The following MICAL3 variants were observed in gnomAD, a reference collection of about 807,000 sequenced individuals.
MICAL3 encodes the protein [F-actin]-monooxygenase MICAL3.
MICAL3 carries 62 observed loss-of-function variants against 207.4 expected under a neutral mutation model. The ratio of observed to expected loss-of-function variants is 0.30; its 90% CI spans 0.24 to 0.37. The LOEUF is 0.37. Ranked by LOEUF, MICAL3 falls within the 10% of genes least tolerant of loss-of-function variation. The pLI, the probability that MICAL3 is intolerant of heterozygous loss-of-function variation, is 1.00. For missense variants in MICAL3, 2,368 were observed against 2,635.6 expected, an observed-to-expected ratio of 0.90 and a Z score of 2.22; for synonymous variants, 1,077 against 1,069.3, an observed-to-expected ratio of 1.01 and a Z score of -0.14.
intron 7 of MICAL3, among the ~76,000 whole-genome samples, chr22:17,898,757 C>T (rs541192531): frequency 1.3e-5 from 2 of 152,272 alleles, no homozygotes; most frequent in East Asian, 3.9e-4. Context: ...GGTCTTCTGA[C>T]TTCATATTTC....
chr22:17,967,947 G>A (rs1444630898), intron 1 of MICAL3, among the ~76,000 whole-genome samples: 3 of 152,064 alleles, frequency 2.0e-5, no homozygotes, highest in African/African-American at 7.3e-5. Flanking sequence ...GAAGCCTGAG[G>A]CAGGAGAATC....
intron 1 of MICAL3, among the ~76,000 whole-genome samples, chr22:17,946,244 C>T (rs1230358571): frequency 1.3e-5 from 2 of 152,076 alleles, no homozygotes; most frequent in Non-Finnish European, 1.5e-5. Context: ...TCCCTGGCTT[C>T]GGGGGTGGGC....
At chr22:17,835,617 G>A (rs1267441540) in intron 20 of MICAL3, among the ~76,000 whole-genome samples, 2 of 152,232 alleles carry the variant, frequency 1.3e-5, no homozygotes, top group Non-Finnish European at 2.9e-5. Context: ...TAAGCACAGA[G>A]GATCACTATA....
At chr22:17,840,658 A>C (rs1226618713) in intron 20 of MICAL3, 1 of 152,204 alleles carries the variant, frequency 6.6e-6, no homozygotes, top group Non-Finnish European at 1.5e-5. Context: ...GCTCTGCTCA[A>C]GGGTTTATAA....
chr22:17,979,953 T>C (rs1388041621), intron 1 of MICAL3, among the ~76,000 whole-genome samples: 1 of 152,148 alleles, frequency 6.6e-6, no homozygotes, highest in Non-Finnish European at 1.5e-5. Flanking sequence ...CTCAGCCTCC[T>C]GAGGAGCTGG....
intron 17 of MICAL3, among the ~76,000 whole-genome samples, 177 bp from the exon 18 acceptor site, chr22:17,866,189 T>C (rs1927087487): frequency 6.6e-6 from 1 of 152,168 alleles, no homozygotes; most frequent in African/African-American, 2.4e-5. Flanking sequence ...CGGGTAAACT[T>C]TGATTCTAGC....
chr22:17,934,003 T>C (rs545367268), intron 1 of MICAL3, among the ~76,000 whole-genome samples: 1 of 152,214 alleles, frequency 6.6e-6, no homozygotes, highest in South Asian at 2.1e-4. Context: ...CCAAAAAAAG[T>C]CCAGGACCAG....
intron 16 of MICAL3, chr22:17,884,297 G>A (rs1569114609): frequency 1.3e-6 from 2 of 1,590,428 alleles, no homozygotes; most frequent in Non-Finnish European, 1.7e-6. Flanking sequence ...GGGGGTGGGG[G>A]CAGGGCGAAC....
chr22:17,881,167 G>A (rs973150844), intron 16 of MICAL3: 16 of 1,535,432 alleles, frequency 1.0e-5, no homozygotes, highest in Non-Finnish European at 1.4e-5. Flanking sequence ...CAGGCAGGCA[G>A]ACAGAGACAG....
chr22:18,007,298 A>G (rs1209908735), intron 1 of MICAL3: 1 of 152,200 alleles, frequency 6.6e-6, no homozygotes, highest in African/African-American at 2.4e-5. Flanking sequence ...TTTTCTGTGT[A>G]CATGTGTCAT....
chr22:17,876,769 AAGTTATGGAGGTTAG>A, intron 16 of MICAL3: 2 of 140,194 alleles, frequency 1.4e-5, no homozygotes, highest in East Asian at 4.2e-4. Flanking sequence ...GAGGTTAGGG[AAGTTATGGAGGTTAG>A]GGAGGTTAGG....
At chr22:17,947,401 T>A (rs1373060431) in intron 1 of MICAL3, among the ~76,000 whole-genome samples, 1 of 152,146 alleles carries the variant, frequency 6.6e-6, no homozygotes, top group African/African-American at 2.4e-5. Flanking sequence ...CAAACTCCAA[T>A]TTGCAGTCCA....
At chr22:17,913,186 C>T (rs5747406) in intron 1 of MICAL3, among the ~76,000 whole-genome samples, 48,055 of 151,926 alleles carry the variant, frequency 0.32, 7,998 homozygotes, top group South Asian at 0.48. Context: ...GCCTGTCACC[C>T]GGCTGCACTC....
At chr22:17,950,337 GTTTTTTTTTTTT>G (rs764642603) in intron 1 of MICAL3, among the ~76,000 whole-genome samples, 46 of 89,338 alleles carry the variant, frequency 5.1e-4, no homozygotes, top group African/African-American at 1.5e-3. Flanking sequence ...TTTTGTTTTT[GTTTTTTTTTTTT>G]TTTTTTTTTT....
rs1931196799 is a variant in MICAL3, at chr22:17,900,138, TG to T, written c.848-591del. On this transcript the variant is annotated intron_variant, in intron 6 of 31. Coordinates refer to ENST00000441493, the MANE Select transcript of MICAL3 (RefSeq NM_015241.3). This position sits in a 1 kb window ranked among gnomAD's most constrained non-coding sequence, Gnocchi z 4.0. The stretch of plus-strand genomic sequence containing the variant: ...ACACGGTTTGCCTTCAAGCCTGAGC[TG>T]GAACTCAGGAAGAAGACTACATACT... Among the ~76,000 whole-genome samples the T allele has an allele frequency of 6.6e-6, 1 of 152,172 alleles. No individual in the cohort carries two copies. The highest frequency in any genetic ancestry group is 2.4e-5 in the African/African-American group (1 of 41,420).
intron 19 of MICAL3, chr22:17,842,428 C>T: frequency 5.4e-6 from 1 of 186,188 alleles, no homozygotes. Flanking sequence ...AGGCCCCCAC[C>T]AGGTGCCTCC....
At position 17,950,365 on chromosome 22, in the gene MICAL3, C is replaced by T. The variant is rs1204972387; in HGVS notation, c.-74-43479G>A. ...TTTTTTTTTTTTTTTTTTTTTGAGA[C>T]GAAGTTTCACTCTTGTTGCCCAGGC... is the stretch of plus-strand genomic sequence containing the variant. On this transcript the variant is annotated intron_variant, in intron 1 of 31. Coordinates refer to ENST00000441493, the MANE Select transcript of MICAL3 (RefSeq NM_015241.3). Among the ~76,000 whole-genome samples, 24 of 107,644 alleles carry T rather than the reference C, an allele frequency of 2.2e-4. 1 individual carries two copies. In the Admixed American group the frequency reaches 2.7e-3, roughly 12 times the overall value. 70.6% of individuals were successfully genotyped at this position (107,644 alleles called of 152,430 possible). A position where few individuals can be genotyped will look rare whatever the true frequency, so the allele number is the denominator to read the frequency against.
intron 1 of MICAL3, among the ~76,000 whole-genome samples, chr22:17,922,646 T>C (rs1377633705): frequency 6.6e-6 from 1 of 152,094 alleles, no homozygotes; most frequent in Non-Finnish European, 1.5e-5. Flanking sequence ...GAGATGCAAA[T>C]GGCTCGGGAC....
intron 22 of MICAL3, among the ~76,000 whole-genome samples, chr22:17,825,965 CT>C (rs2146029504): frequency 6.6e-6 from 1 of 152,270 alleles, no homozygotes; most frequent in Non-Finnish European, 1.5e-5. Context: ...CACACCCAGC[CT>C]GTCCCCACTT....
Sources: allele counts gnomAD v4.1 joint callset (sites outside exome capture counted in the v4.1 genomes callset), GRCh38; gene constraint gnomAD v4.1.1; non-coding constraint Gnocchi (gnomAD v3.1); transcripts MANE v1.5; gene names NCBI Gene and HGNC (gene_info 2026-07-23, HGNC 2026-07-21).